Variants in SLC35F4 observed in about 807,000 individuals in gnomAD.
The protein encoded by SLC35F4 is chromosome 14 open reading frame 36.
A neutral mutation model predicts 44.2 loss-of-function variants in SLC35F4; 24 were observed. The observed-to-expected ratio is 0.54, with a 90% CI of 0.39 to 0.76. The LOEUF is 0.76. Among genes scored for constraint, SLC35F4 ranks in the 30% least tolerant of loss-of-function variants. SLC35F4 has a pLI of 0.00. For missense variants in SLC35F4, 562 were observed against 586.1 expected (o/e 0.96, Z 0.42); for synonymous variants, 238 against 223.6 (o/e 1.06, Z -0.57).
chr14:57,761,602 A>G (rs1594987380), intron 1 of SLC35F4, among the ~76,000 whole-genome samples: 3 of 152,208 alleles, frequency 2.0e-5, no homozygotes, highest in East Asian at 1.9e-4. Flanking sequence ...ATAGGTTTTT[A>G]TACATTTATT....
intron 1 of SLC35F4, among the ~76,000 whole-genome samples, chr14:57,822,854 C>A (rs1311404274): frequency 6.6e-6 from 1 of 152,098 alleles, no homozygotes; most frequent in Non-Finnish European, 1.5e-5. Context: ...TTTCTAAAGG[C>A]TGGGGTGCCA....
At chr14:57,601,897 G>A (rs1445193112) in intron 1 of SLC35F4, among the ~76,000 whole-genome samples, 1 of 152,162 alleles carries the variant, frequency 6.6e-6, no homozygotes, top group Non-Finnish European at 1.5e-5. Flanking sequence ...GATGAGGAAA[G>A]AGAATTTCCA....
In SLC35F4 at chr14:57,569,859, T is replaced by C. The variant is rs1409959269; in HGVS notation, c.1055A>G (p.Lys352Arg). The C allele has an allele frequency of 6.2e-7, 1 of 1,611,580 alleles. No individual in the cohort carries two copies. Among genetic ancestry groups the C allele is most frequent in the South Asian group, 1.1e-5 (1 of 90,260 alleles). Reference protein sequence around the residue: ...SFTPVILYFTKVEHWSSFAAL... With the variant: ...SFTPVILYFTRVEHWSSFAAL... ...AGCAAAAGAGGACCAGTGCTCCACCTTGGTGAAATACAAGATGACTGGGGT... is the reference window on the plus strand; with the variant it reads ...AGCAAAAGAGGACCAGTGCTCCACCCTGGTGAAATACAAGATGACTGGGGT... The change falls in exon 6 of 8, where the codon AAG becomes AGG. Residue 352 changes from lysine (K) to arginine (R), a missense_variant. Coordinates refer to ENST00000556826, the MANE Select transcript of SLC35F4 (RefSeq NM_001306087.2).
At chr14:57,587,386 A>C (rs547232523) in intron 3 of SLC35F4, among the ~76,000 whole-genome samples, 5 of 152,360 alleles carry the variant, frequency 3.3e-5, no homozygotes, top group African/African-American at 1.2e-4. Flanking sequence ...ATGCCCATCA[A>C]TGATAGACTG....
intron 1 of SLC35F4, among the ~76,000 whole-genome samples, chr14:57,737,550 C>G (rs1048284669): frequency 1.3e-5 from 2 of 152,002 alleles, no homozygotes; most frequent in African/African-American, 2.4e-5. Flanking sequence ...GGTAAAACAA[C>G]CCAGTTAGCT....
chr14:57,806,342 A>G (rs1486265847), intron 1 of SLC35F4, among the ~76,000 whole-genome samples: 1 of 152,154 alleles, frequency 6.6e-6, no homozygotes, highest in Non-Finnish European at 1.5e-5. Context: ...ATTGCCTTAT[A>G]GTATAGTCAT....
upstream of SLC35F4, among the ~76,000 whole-genome samples, chr14:57,868,831 A>C (rs1888237096): frequency 6.6e-6 from 1 of 152,140 alleles, no homozygotes; most frequent in Non-Finnish European, 1.5e-5. Context: ...CACAAACCCA[A>C]ATATTCAAAT....
At chr14:57,687,230 G>C (rs1403329432) in intron 1 of SLC35F4, among the ~76,000 whole-genome samples, 1 of 152,106 alleles carries the variant, frequency 6.6e-6, no homozygotes, top group Non-Finnish European at 1.5e-5. Flanking sequence ...GAAGACTAAG[G>C]CAAGGTTTCA....
At chr14:57,838,880 T>C (rs376025792) in intron 1 of SLC35F4, among the ~76,000 whole-genome samples, 4 of 152,094 alleles carry the variant, frequency 2.6e-5, no homozygotes, top group Non-Finnish European at 4.4e-5. Context: ...ATGGCTGGAA[T>C]AGAGAATTCA....
downstream of SLC35F4, among the ~76,000 whole-genome samples, chr14:57,975,057 TG>T (rs1881175202): frequency 6.6e-6 from 1 of 152,224 alleles, no homozygotes; most frequent in African/African-American, 2.4e-5. Context: ...TTTCAGCTAA[TG>T]TATTCTCTAA....
At chr14:57,720,950 C>T (rs985979801) in intron 1 of SLC35F4, among the ~76,000 whole-genome samples, 6 of 108,750 alleles carry the variant, frequency 5.5e-5, no homozygotes, top group African/African-American at 1.4e-4. Flanking sequence ...ATTGTGTGAC[C>T]GTGTGATTGT....
chr14:57,957,434 C>CAAAAA (rs59335089), intron 1 of SLC35F4, among the ~76,000 whole-genome samples: 1 of 148,098 alleles, frequency 6.8e-6, no homozygotes, highest in African/African-American at 2.5e-5. Context: ...ACTTAAAGTA[C>CAAAAA]AAAAAAAAAA....
intron 1 of SLC35F4, among the ~76,000 whole-genome samples, chr14:57,777,544 G>A (rs2077518020): frequency 6.6e-6 from 1 of 151,960 alleles, no homozygotes. Flanking sequence ...ACCAAACACT[G>A]CATGTTCTCA....
Position 57,583,652 on chromosome 14 carries a change from T to C in SLC35F4, c.588-2219A>G, listed in dbSNP as rs189667348. On this transcript the variant is annotated intron_variant, in intron 3 of 7. Transcript: ENST00000556826. Reference sequence around the variant, plus strand: ...GACTGTTCTCACCTGGCTCAACCTGTCTTCCAGGTGTTCATTCCCTCGTTC... The same window carrying C: ...GACTGTTCTCACCTGGCTCAACCTGCCTTCCAGGTGTTCATTCCCTCGTTC... Among the ~76,000 whole-genome samples the C allele has an allele frequency of 5.9e-3, 902 of 152,334 alleles. 17 individuals are homozygous for C. Among genetic ancestry groups the C allele is most frequent in the Non-Finnish European group, 6.1e-3 (414 of 68,034 alleles).
At chr14:57,755,925 T>C (rs961232747) in intron 1 of SLC35F4, among the ~76,000 whole-genome samples, 1 of 152,186 alleles carries the variant, frequency 6.6e-6, no homozygotes, top group African/African-American at 2.4e-5. Flanking sequence ...TCTTCTATCA[T>C]ACCACGCCAT....
intron 1 of SLC35F4, among the ~76,000 whole-genome samples, chr14:57,886,499 G>T (rs923241625): frequency 6.6e-6 from 1 of 152,192 alleles, no homozygotes; most frequent in East Asian, 1.9e-4. Context: ...TAAGTCAGAG[G>T]TAGGGGATAA....
At chr14:57,673,079 A>G (rs62004036) in intron 1 of SLC35F4, among the ~76,000 whole-genome samples, 5,142 of 152,254 alleles carry the variant, frequency 0.034, 146 homozygotes, top group Non-Finnish European at 0.056. Context: ...TGTAAGTTGT[A>G]TAAAGATGAT....
intron 1 of SLC35F4, among the ~76,000 whole-genome samples, chr14:57,804,716 G>T (rs185165260): frequency 6.6e-6 from 1 of 152,060 alleles, no homozygotes. Context: ...ACAAACAAAG[G>T]TTTCATGACA....
intron 1 of SLC35F4, among the ~76,000 whole-genome samples, chr14:57,680,164 G>T (rs1344082438): frequency 1.3e-5 from 2 of 152,062 alleles, no homozygotes; most frequent in African/African-American, 4.8e-5. Flanking sequence ...ACATCAAAAA[G>T]CTTATCCACC....
Sources: gnomAD v4.1 joint callset for allele counts (sites outside exome capture counted in the v4.1 genomes callset) on GRCh38, gnomAD v4.1.1 for gene constraint, MANE v1.5 for transcripts, NCBI Gene and HGNC (gene_info 2026-07-23, HGNC 2026-07-21) for gene names.